NLGN1: variants seen among roughly 807,000 people sequenced by gnomAD.
The protein encoded by NLGN1 is neuroligin 1.
In NLGN1, 12 loss-of-function variants were observed where a neutral mutation model predicts 65.5. The ratio of observed to expected loss-of-function variants is 0.18; its 90% CI spans 0.12 to 0.30. The LOEUF (loss-of-function observed/expected upper bound fraction) is 0.30. Among genes scored for constraint, NLGN1 ranks in the 10% least tolerant of loss-of-function variants. The pLI is 1.00. For synonymous variants in NLGN1, 350 were observed against 359.5 expected (o/e 0.97, Z 0.30); for missense variants, 750 against 1,007.1 (o/e 0.74, Z 3.46).
intron 4 of NLGN1, among the ~76,000 whole-genome samples, chr3:173,809,004 G>T (rs1717299305): frequency 6.6e-6 from 1 of 152,082 alleles, no homozygotes; most frequent in South Asian, 2.1e-4. Context: ...ATAGTCTGGG[G>T]GAAGGAGACA....
At chr3:173,730,042 A>T (rs1438912920) in intron 3 of NLGN1, among the ~76,000 whole-genome samples, 1 of 151,954 alleles carries the variant, frequency 6.6e-6, no homozygotes, top group East Asian at 1.9e-4. Flanking sequence ...AAATACAGAA[A>T]AAAAAACTAT....
intron 3 of NLGN1, among the ~76,000 whole-genome samples, chr3:173,719,170 T>C (rs921201255): frequency 5.9e-5 from 9 of 152,184 alleles, no homozygotes; most frequent in Non-Finnish European, 1.3e-4. Flanking sequence ...TATAAATGAA[T>C]GGATGGATGG....
At chr3:173,861,958 G>A (rs1022249941) in intron 4 of NLGN1, among the ~76,000 whole-genome samples, 14 of 151,496 alleles carry the variant, frequency 9.2e-5, no homozygotes, top group African/African-American at 2.7e-4. Context: ...TAGTAGAGAC[G>A]AGGTTTTACC....
At chr3:173,640,524 G>T (rs1757240811) in intron 3 of NLGN1, among the ~76,000 whole-genome samples, 1 of 152,052 alleles carries the variant, frequency 6.6e-6, no homozygotes. Flanking sequence ...TATGAATAAT[G>T]ACTTTCACCG....
chr3:173,664,278 A>C (rs562219699), intron 3 of NLGN1, among the ~76,000 whole-genome samples: 1 of 152,070 alleles, frequency 6.6e-6, no homozygotes, highest in African/African-American at 2.4e-5. Context: ...AATGAACTTT[A>C]AAAAAATTCA....
In NLGN1 at chr3:173,999,352, C is replaced by A. The variant is rs944267643; in HGVS notation, c.646+191520C>A. On this transcript the variant is annotated intron_variant, in intron 4 of 6. Transcript: ENST00000457714. Reference sequence around the variant, plus strand: ...TGATATTTTTTTTTTCCAACTTCTACTCAGCAAGGCTTTAAAAATTCTAGG... The same window carrying A: ...TGATATTTTTTTTTTCCAACTTCTAATCAGCAAGGCTTTAAAAATTCTAGG... Among the ~76,000 whole-genome samples, 8 of 152,036 alleles carry A rather than the reference C, an allele frequency of 5.3e-5. No individual in the cohort carries two copies. The South Asian group carries it at 8.3e-4, about 16-fold the overall frequency.
intron 1 of NLGN1, among the ~76,000 whole-genome samples, chr3:173,432,881 G>C (rs1004344574): frequency 6.6e-6 from 1 of 151,842 alleles, no homozygotes; most frequent in African/African-American, 2.4e-5. Flanking sequence ...CAAGATTTGG[G>C]TGCTGGGTAT....
chr3:174,034,748 T>C (rs974406000), intron 4 of NLGN1, among the ~76,000 whole-genome samples: 1 of 151,824 alleles, frequency 6.6e-6, no homozygotes, highest in Non-Finnish European at 1.5e-5. Flanking sequence ...AACCAGAAAA[T>C]GCAGAAAAAA....
At chr3:173,766,670 C>T (rs144330920) in intron 3 of NLGN1, among the ~76,000 whole-genome samples, 11 of 152,186 alleles carry the variant, frequency 7.2e-5, no homozygotes, top group South Asian at 2.1e-4. Context: ...GCAGGACCTC[C>T]GCATTGAATT....
intron 1 of NLGN1, among the ~76,000 whole-genome samples, chr3:173,415,022 G>T (rs942148207): frequency 4.6e-5 from 7 of 152,214 alleles, no homozygotes; most frequent in African/African-American, 1.7e-4. Context: ...TATCAAGGAG[G>T]CAACTGCCAA....
chr3:174,044,711 T>G (rs1733138609), intron 4 of NLGN1, among the ~76,000 whole-genome samples: 2 of 152,046 alleles, frequency 1.3e-5, no homozygotes, highest in Non-Finnish European at 2.9e-5. Context: ...CTGAGGCCTC[T>G]GATATGGTTT....
At chr3:173,903,679 G>A (rs78734073) in intron 4 of NLGN1, among the ~76,000 whole-genome samples, 2 of 152,032 alleles carry the variant, frequency 1.3e-5, no homozygotes, top group East Asian at 3.9e-4. Context: ...TAGAAGAGAG[G>A]GTAGGAAGGT....
chr3:174,029,979 T>G (rs1402298017), intron 4 of NLGN1, among the ~76,000 whole-genome samples: 1 of 152,174 alleles, frequency 6.6e-6, no homozygotes, highest in African/African-American at 2.4e-5. Context: ...ATGTCTTTAT[T>G]AGCAGTGGGA....
chr3:173,944,114 T>A (rs1746684867), intron 4 of NLGN1, among the ~76,000 whole-genome samples: 1 of 140,884 alleles, frequency 7.1e-6, no homozygotes, highest in Admixed American at 7.1e-5. Context: ...AATGTCCAGT[T>A]AATATTATGG....
chr3:173,777,550 G>A (rs577498103), intron 3 of NLGN1, among the ~76,000 whole-genome samples: 8 of 151,860 alleles, frequency 5.3e-5, no homozygotes, highest in Admixed American at 2.0e-4. Flanking sequence ...TTTGAAATAT[G>A]CAATACATTA....
At chr3:173,722,015 T>A (rs191346469) in intron 3 of NLGN1, among the ~76,000 whole-genome samples, 138 of 152,134 alleles carry the variant, frequency 9.1e-4, no homozygotes, top group African/African-American at 3.2e-3. Flanking sequence ...CTTCTCTATT[T>A]CATGTGTCTG....
chr3:173,757,235 C>T (rs1016140812), intron 3 of NLGN1, among the ~76,000 whole-genome samples: 2 of 151,938 alleles, frequency 1.3e-5, no homozygotes, highest in African/African-American at 2.4e-5. Context: ...TCAGATATCA[C>T]CATCTTGATC....
chr3:173,850,650 G>A (rs887066742), intron 4 of NLGN1, among the ~76,000 whole-genome samples: 3 of 152,098 alleles, frequency 2.0e-5, no homozygotes, highest in African/African-American at 7.2e-5. Context: ...AAATGTTTTT[G>A]TGAAGTCCAC....
chr3:173,486,876 A>G (rs1048043885), intron 2 of NLGN1, among the ~76,000 whole-genome samples: 7 of 151,960 alleles, frequency 4.6e-5, no homozygotes, highest in Admixed American at 4.6e-4. Context: ...AAATCTGAAC[A>G]TCTTAAGTTT....
Sources: gnomAD v4.1 joint callset for allele counts (sites outside exome capture counted in the v4.1 genomes callset) on GRCh38, gnomAD v4.1.1 for gene constraint, MANE v1.5 for transcripts, NCBI Gene and HGNC (gene_info 2026-07-23, HGNC 2026-07-21) for gene names.